The following CCSER1 variants were observed in gnomAD, a reference collection of about 807,000 sequenced individuals.
The protein encoded by CCSER1 is serine-rich coiled-coil domain-containing protein 1.
Under a neutral mutation model 82.0 loss-of-function variants are expected in CCSER1, and 41 were observed. The ratio of observed to expected loss-of-function variants is 0.50; its 90% confidence interval spans 0.39 to 0.65. The LOEUF is 0.65. Among genes scored for constraint, CCSER1 ranks in the 30% least tolerant of loss-of-function variants. The probability of loss-of-function intolerance (pLI) is 0.00; values close to 1 mark genes in which losing one functional copy is unlikely to be tolerated. For missense variants in CCSER1, 1,119 were observed against 1,064.2 expected (o/e 1.05, Z -0.72); for synonymous variants, 414 against 383.9 (o/e 1.08, Z -0.92).
intron 10 of CCSER1, among the ~76,000 whole-genome samples, chr4:91,440,633 A>G (rs1351650895): frequency 2.0e-5 from 3 of 152,208 alleles, no homozygotes; most frequent in African/African-American, 7.2e-5. Context: ...GCAGAACTGA[A>G]GGAAATAGAG....
chr4:90,493,543 C>G (rs1277441242), intron 5 of CCSER1, among the ~76,000 whole-genome samples: 1 of 152,138 alleles, frequency 6.6e-6, no homozygotes, highest in Admixed American at 6.5e-5. Context: ...AAGGGAAGCC[C>G]ATCAGACTAA....
At chr4:90,670,504 ATTC>A (rs144578906) in intron 6 of CCSER1, among the ~76,000 whole-genome samples, 5,703 of 152,128 alleles carry the variant, frequency 0.037, 147 homozygotes, top group Middle Eastern at 0.065. Context: ...ACCTCCATGT[ATTC>A]TTTATCGATG....
intron 5 of CCSER1, among the ~76,000 whole-genome samples, chr4:90,606,547 T>C (rs1365488177): frequency 6.6e-6 from 1 of 152,150 alleles, no homozygotes; most frequent in Non-Finnish European, 1.5e-5. Context: ...CTTGACGTGA[T>C]ATAGAGTTCA....
chr4:91,358,353 G>T, intron 10 of CCSER1, among the ~76,000 whole-genome samples: 1 of 133,866 alleles, frequency 7.5e-6, no homozygotes, highest in East Asian at 2.2e-4. Flanking sequence ...TTTTAACATA[G>T]TTCCCAGTGG....
intron 10 of CCSER1, among the ~76,000 whole-genome samples, chr4:91,585,528 G>T (rs923319317): frequency 1.3e-5 from 2 of 151,428 alleles, no homozygotes; most frequent in Non-Finnish European, 1.5e-5. Context: ...ACATACATAT[G>T]TATAGGACAA....
At chr4:91,096,544 G>T (rs1724534718) in intron 10 of CCSER1, among the ~76,000 whole-genome samples, 1 of 152,154 alleles carries the variant, frequency 6.6e-6, no homozygotes, top group African/African-American at 2.4e-5. Flanking sequence ...GTCCTGGCTT[G>T]CCAGTTACTT....
At chr4:91,213,431 G>C (rs926539154) in intron 10 of CCSER1, among the ~76,000 whole-genome samples, 6 of 152,006 alleles carry the variant, frequency 3.9e-5, no homozygotes, top group African/African-American at 1.4e-4. Context: ...TGGTGATATA[G>C]TAAAAAAAAG....
At chr4:91,259,840 T>A (rs1740975758) in intron 10 of CCSER1, among the ~76,000 whole-genome samples, 2 of 152,210 alleles carry the variant, frequency 1.3e-5, no homozygotes. Context: ...CATCTCTCAT[T>A]GATGGGCATT....
At chr4:91,325,063 G>A (rs191533881) in intron 10 of CCSER1, 1 of 412,554 alleles carries the variant, frequency 2.4e-6, no homozygotes, top group Non-Finnish European at 4.7e-6. Flanking sequence ...GTGGGGCAAG[G>A]GGCTTGGGGC....
At chr4:90,602,982 C>T (rs573035638) in intron 5 of CCSER1, among the ~76,000 whole-genome samples, 1 of 152,234 alleles carries the variant, frequency 6.6e-6, no homozygotes, top group East Asian at 1.9e-4. Context: ...GCCTTAGTAC[C>T]ATGGAAAGTA....
chr4:91,579,484 T>C (rs1249881001), intron 10 of CCSER1, among the ~76,000 whole-genome samples: 3 of 151,746 alleles, frequency 2.0e-5, no homozygotes, highest in Non-Finnish European at 4.4e-5. Context: ...ATAGCAAAAT[T>C]TAACTGCAAC....
At chr4:90,632,036 C>T (rs1724542945) in intron 6 of CCSER1, among the ~76,000 whole-genome samples, 1 of 152,070 alleles carries the variant, frequency 6.6e-6, no homozygotes, top group Non-Finnish European at 1.5e-5. Context: ...GGTACTCGAC[C>T]TGTACTCTAT....
intron 9 of CCSER1, chr4:90,950,987 G>T (rs1311013205): frequency 1.3e-5 from 2 of 152,008 alleles, no homozygotes; most frequent in African/African-American, 2.4e-5. Flanking sequence ...CTAGGTGCCT[G>T]GTATATGCAC....
In CCSER1 at chr4:91,240,354, A is replaced by G. The variant is rs1414820968; in HGVS notation, c.2217+154360A>G. On this transcript the variant is annotated intron_variant, in intron 10 of 10. Transcript: ENST00000509176. ...AGCCTCCCAAAGTGCTGGTATTACA[A>G]GCGTGAGCCACTGCGCCCGGCCTAT... 5.6e-3 allele frequency among the ~76,000 whole-genome samples: 285 copies of G among 50,754 alleles called. 3 individuals are homozygous for G. The highest frequency in any genetic ancestry group is 0.019 in the Middle Eastern group (2 of 108). The allele number at this position is 50,754 out of a possible 152,430, so 33.3% of individuals were successfully genotyped here.
At chr4:90,148,334 G>A (rs1370451171) in intron 1 of CCSER1, among the ~76,000 whole-genome samples, 2 of 152,240 alleles carry the variant, frequency 1.3e-5, no homozygotes, top group East Asian at 3.9e-4. Flanking sequence ...ATCCACTAGA[G>A]TATCCATGAA....
chr4:91,469,976 A>T (rs1757173961), intron 10 of CCSER1, among the ~76,000 whole-genome samples: 1 of 152,176 alleles, frequency 6.6e-6, no homozygotes. Context: ...ATTCCTACAC[A>T]TTCTAATGTT....
intron 9 of CCSER1, among the ~76,000 whole-genome samples, chr4:91,079,328 T>C (rs1271125024): frequency 4.6e-5 from 7 of 152,100 alleles, no homozygotes. Flanking sequence ...CAAACTAAGC[T>C]TCATAAGGGA....
At chr4:91,506,522 TC>T (rs1397425961) in intron 10 of CCSER1, among the ~76,000 whole-genome samples, 3 of 152,178 alleles carry the variant, frequency 2.0e-5, no homozygotes, top group African/African-American at 7.2e-5. Flanking sequence ...TAGCATTTAA[TC>T]TATAAATTAG....
intron 5 of CCSER1, among the ~76,000 whole-genome samples, chr4:90,513,045 G>T (rs1259616040): frequency 6.6e-6 from 1 of 152,108 alleles, no homozygotes; most frequent in Admixed American, 6.5e-5. Context: ...AGAGGAGTGT[G>T]GCAGAATGTG....
Sources: allele counts gnomAD v4.1 joint callset (sites outside exome capture counted in the v4.1 genomes callset), GRCh38; gene constraint gnomAD v4.1.1; transcripts MANE v1.5; gene names NCBI Gene and HGNC (gene_info 2026-07-23, HGNC 2026-07-21).